HEATR5B: variants seen among roughly 807,000 people sequenced by gnomAD.
The protein encoded by HEATR5B is HEAT repeat-containing protein 5B.
In HEATR5B, 156 loss-of-function variants were observed where a neutral mutation model predicts 224.1. The ratio of observed to expected loss-of-function variants is 0.70; its 90% CI spans 0.61 to 0.80. The LOEUF (loss-of-function observed/expected upper bound fraction) is 0.80. HEATR5B is among the 30% of genes least tolerant of loss of function. The pLI is 0.00. For missense variants in HEATR5B, 2,323 were observed against 2,535.5 expected (o/e 0.92, Z 1.80); for synonymous variants, 1,027 against 893.0 (o/e 1.15, Z -2.68).
At chr2:36,998,369 A>G (rs1219390810) in intron 33 of HEATR5B, among the ~76,000 whole-genome samples, 3 of 152,210 alleles carry the variant, frequency 2.0e-5, no homozygotes, top group Non-Finnish European at 4.4e-5. Context: ...TTTACCAAAC[A>G]CAGCAAAATT....
intron 24 of HEATR5B, among the ~76,000 whole-genome samples, chr2:37,026,815 T>C (rs183562415): frequency 5.3e-5 from 8 of 152,350 alleles, no homozygotes; most frequent in African/African-American, 1.9e-4. Context: ...TTGTATGTTT[T>C]TGAGACAGAG....
Position 37,028,689 on chromosome 2 carries a change from G to C in HEATR5B, c.3593C>G (p.Ala1198Gly), listed in dbSNP as rs1668931832. The change falls in exon 23 of 36, where the codon GCT becomes GGT. Residue 1198 changes from alanine to glycine, a missense_variant. Physicochemically the swap from Ala to Gly is moderately conservative, Grantham distance 60. This residue lies in a region of HEATR5B where 339 missense variants were observed against 378.4 expected (regional missense o/e 0.90). Transcript: ENST00000233099. ...GCACATTAAATACTTACCACTAGAA[G>C]CTGCCAGGACATCTTTACAAAGCAT... ...WLMLCKDVLA[A>G]SSDMSTATLL... is the part of the protein sequence containing the mutation. The C allele has an allele frequency of 6.2e-7, 1 of 1,613,772 alleles. No individual in the cohort carries two copies. The highest frequency in any genetic ancestry group is 2.2e-5 in the East Asian group (1 of 44,862).
chr2:36,993,125 A>G (rs1666448287), intron 33 of HEATR5B, among the ~76,000 whole-genome samples: 3 of 152,174 alleles, frequency 2.0e-5, no homozygotes, highest in Non-Finnish European at 4.4e-5. Flanking sequence ...CTGATTCTAG[A>G]ACAGTGAGGG....
At chr2:37,017,156 C>T (rs779010357) in intron 26 of HEATR5B, among the ~76,000 whole-genome samples, 1 of 152,116 alleles carries the variant, frequency 6.6e-6, no homozygotes, top group African/African-American at 2.4e-5. Context: ...AGGCCGGGCA[C>T]GGTGGCTCAC....
chr2:37,034,765 C>T (rs1175491185), intron 21 of HEATR5B, among the ~76,000 whole-genome samples: 1 of 151,932 alleles, frequency 6.6e-6, no homozygotes, highest in Non-Finnish European at 1.5e-5. Flanking sequence ...ATTATATTGC[C>T]CAGGCTGGTG....
chr2:37,083,544 G>T, intron 1 of HEATR5B, 108 bp from the exon 2 acceptor site: 2 of 794,336 alleles, frequency 2.5e-6, no homozygotes, highest in Non-Finnish European at 3.9e-6. Context: ...TTTCATTTGG[G>T]GAAAAACTCA....
At chr2:37,008,468 T>G in intron 28 of HEATR5B, 143 bp downstream of exon 28, 3 of 656,406 alleles carry the variant, frequency 4.6e-6, no homozygotes, top group Non-Finnish European at 5.4e-6. Context: ...GAGTACATAT[T>G]CTAACTGAGA....
intron 24 of HEATR5B, among the ~76,000 whole-genome samples, chr2:37,025,554 G>C (rs927080125): frequency 2.0e-5 from 3 of 149,794 alleles, no homozygotes; most frequent in African/African-American, 4.9e-5. Context: ...GAGTAAAAAG[G>C]ATATGATACA....
At chr2:37,062,145 G>A in intron 10 of HEATR5B, 95 bp from the exon 11 acceptor site, 1 of 736,312 alleles carries the variant, frequency 1.4e-6, no homozygotes, top group Non-Finnish European at 2.3e-6. Flanking sequence ...AGAAGTTGTT[G>A]GCTGGATGCG....
Position 37,040,399 on chromosome 2 carries a change from A to T in HEATR5B, c.2976T>A (p.His992Gln). 2 of 1,614,086 alleles carry T rather than the reference A, an allele frequency of 1.2e-6. No homozygotes were observed. Among genetic ancestry groups the T allele is most frequent in the Non-Finnish European group, 1.7e-6 (2 of 1,179,990 alleles). ...LTLLLTVPPS[H>Q]TEVHQCLGRC... ...GACCCAAACACTGATGAACTTCTGT[A>T]TGTGAAGGCGGAACTGTCAACAGCA... The change falls in exon 20 of 36, where the codon CAT (histidine) becomes CAA (glutamine). Residue 992 changes from histidine (H) to glutamine (Q), a missense_variant. Physicochemically the swap from His to Gln is conservative, Grantham distance 24. Around this residue, in one of 12 missense-constraint regions of HEATR5B, gnomAD observed 22 missense variants for 46.9 expected, o/e 0.47. Transcript: ENST00000233099.
At chr2:37,043,076 A>C (rs1669977536) in intron 18 of HEATR5B, among the ~76,000 whole-genome samples, 1 of 152,198 alleles carries the variant, frequency 6.6e-6, no homozygotes, top group Admixed American at 6.5e-5. Flanking sequence ...AGCTTACATA[A>C]TTCTGACTGA....
At chr2:37,065,961 G>A in intron 8 of HEATR5B, 51 bp from the exon 9 acceptor site, 2 of 1,532,988 alleles carry the variant, frequency 1.3e-6, no homozygotes, top group African/African-American at 2.7e-5. Flanking sequence ...ATTGTGGTAT[G>A]ATTTTTTTGG....
intron 7 of HEATR5B, among the ~76,000 whole-genome samples, chr2:37,069,534 C>T (rs575851705): frequency 6.6e-6 from 1 of 152,024 alleles, no homozygotes; most frequent in Non-Finnish European, 1.5e-5. Context: ...ATAGAAAATC[C>T]AATCAAAGCA....
At chr2:37,049,318 G>A (rs910481686) in intron 18 of HEATR5B, among the ~76,000 whole-genome samples, 1 of 152,170 alleles carries the variant, frequency 6.6e-6, no homozygotes, top group Admixed American at 6.5e-5. Flanking sequence ...GAGGGACAAG[G>A]AAAGGGAGGG....
chr2:37,018,263 T>C (rs960059915), intron 26 of HEATR5B, among the ~76,000 whole-genome samples: 3 of 152,210 alleles, frequency 2.0e-5, no homozygotes, highest in Non-Finnish European at 4.4e-5. Context: ...ATATACAAGA[T>C]ACAATTCTAA....
At chr2:37,072,313 C>T (rs1190553137) in intron 5 of HEATR5B, 32 bp from the exon 6 acceptor site, 2 of 1,464,362 alleles carry the variant, frequency 1.4e-6, no homozygotes, top group Non-Finnish European at 1.9e-6. Context: ...TAAATAACAT[C>T]CTATAACATC....
chr2:37,035,934 A>G (rs1669448597), intron 21 of HEATR5B, among the ~76,000 whole-genome samples: 1 of 152,210 alleles, frequency 6.6e-6, no homozygotes, highest in Non-Finnish European at 1.5e-5. Flanking sequence ...GAATTACATT[A>G]CTATACTCAA....
intron 16 of HEATR5B, among the ~76,000 whole-genome samples, chr2:37,056,198 T>C (rs1670899601): frequency 6.6e-6 from 1 of 152,062 alleles, no homozygotes; most frequent in Admixed American, 6.6e-5. Context: ...CAGTCCACAA[T>C]ACAACAGATA....
At chr2:37,007,337 CTTTT>C (rs3080796) in intron 28 of HEATR5B, 33 bp from the exon 29 acceptor site, 26,437 of 1,159,388 alleles carry the variant, frequency 0.023, 3 homozygotes, top group East Asian at 0.087. Context: ...AAAAACATTA[CTTTT>C]TTTTTTTTTT....
Sources: allele counts gnomAD v4.1 joint callset (sites outside exome capture counted in the v4.1 genomes callset), GRCh38; gene constraint gnomAD v4.1.1; regional missense constraint gnomAD v4.1.1; transcripts MANE v1.5; gene names NCBI Gene and HGNC (gene_info 2026-07-23, HGNC 2026-07-21).